IPO5: variants seen among roughly 807,000 people sequenced by gnomAD.
The protein encoded by IPO5 is importin-5.
IPO5 carries 18 observed loss-of-function variants against 143.3 expected under a neutral mutation model. The ratio of observed to expected loss-of-function variants is 0.13; its 90% CI spans 0.09 to 0.19. The LOEUF (loss-of-function observed/expected upper bound fraction) is 0.19, where lower values mean the gene tolerates loss of function less well. Ranked by LOEUF, IPO5 falls within the 10% of genes least tolerant of loss-of-function variation. The probability of loss-of-function intolerance (pLI) is 1.00; values close to 1 mark genes in which losing one functional copy is unlikely to be tolerated. For synonymous variants in IPO5, 477 were observed against 465.7 expected, an observed-to-expected ratio of 1.02 and a Z score of -0.31; for missense variants, 1,013 against 1,336.9, an observed-to-expected ratio of 0.76 and a Z score of 3.78.
chr13:97,978,249 A>G (rs564369974), intron 4 of IPO5, among the ~76,000 whole-genome samples: 44 of 152,264 alleles, frequency 2.9e-4, no homozygotes, highest in African/African-American at 1.0e-3. Flanking sequence ...TTTTTTACTT[A>G]ATGGGCTTAT....
chr13:97,969,175 A>ATATATATATATAT (rs1234384302), intron 2 of IPO5, among the ~76,000 whole-genome samples: 13 of 43,908 alleles, frequency 3.0e-4, no homozygotes, highest in South Asian at 1.1e-3. Flanking sequence ...ATATATATAT[A>ATATATATATATAT]TTTTTTTTTT....
At chr13:97,992,860 T>G (rs1555307567) in intron 9 of IPO5, 32 bp from the exon 10 acceptor site, 1 of 1,587,860 alleles carries the variant, frequency 6.3e-7, no homozygotes, top group South Asian at 1.1e-5. Context: ...AAGTGAATCT[T>G]CAGCACCGAC....
intron 11 of IPO5, 81 bp downstream of exon 11, chr13:97,993,306 C>A (rs2139707542): frequency 8.5e-7 from 1 of 1,182,238 alleles, no homozygotes; most frequent in Non-Finnish European, 1.2e-6. Flanking sequence ...TGTGATTTCT[C>A]AGATTGTTGA....
At chr13:97,954,977 C>A (rs578151436) in intron 2 of IPO5, among the ~76,000 whole-genome samples, 1 of 152,144 alleles carries the variant, frequency 6.6e-6, no homozygotes, top group East Asian at 1.9e-4. Context: ...CCTATAATCC[C>A]AGCACTTTGG....
At chr13:97,958,591 A>C (rs1884630465) in intron 2 of IPO5, among the ~76,000 whole-genome samples, 1 of 151,852 alleles carries the variant, frequency 6.6e-6, no homozygotes, top group African/African-American at 2.4e-5. Flanking sequence ...AAGGCCCTCA[A>C]ACTGTATGAT....
At chr13:97,984,183 T>G (rs913838997) in intron 5 of IPO5, among the ~76,000 whole-genome samples, 2 of 151,210 alleles carry the variant, frequency 1.3e-5, no homozygotes, top group African/African-American at 2.4e-5. Context: ...TTTCACCGTT[T>G]TAGCCGGGAT....
At chr13:97,991,827 A>G (rs766119039) in intron 9 of IPO5, among the ~76,000 whole-genome samples, 32 of 152,264 alleles carry the variant, frequency 2.1e-4, no homozygotes, top group Non-Finnish European at 3.8e-4. Context: ...TCTCCTTTTT[A>G]TAAATGTCTG....
intron 7 of IPO5, 93 bp downstream of exon 7, chr13:97,989,257 A>G (rs895404548): frequency 1.6e-6 from 1 of 638,438 alleles, no homozygotes. Context: ...TTAACCTTAT[A>G]CTTAAAATGA....
At chr13:97,988,834 CAG>C (rs1227509548) in intron 6 of IPO5, among the ~76,000 whole-genome samples, 1 of 151,230 alleles carries the variant, frequency 6.6e-6, no homozygotes, top group Non-Finnish European at 1.5e-5. Context: ...AACCCAAATA[CAG>C]AGTTGTTTGG....
intron 25 of IPO5, 87 bp from the exon 26 acceptor site, chr13:98,018,398 A>G (rs1890260716): frequency 9.3e-6 from 9 of 972,204 alleles, no homozygotes; most frequent in East Asian, 2.4e-5. Context: ...AGGAATATCA[A>G]TGTAAGCAGA....
chr13:98,004,982 G>A (rs529200418), intron 16 of IPO5, among the ~76,000 whole-genome samples: 46 of 152,098 alleles, frequency 3.0e-4, no homozygotes, highest in East Asian at 1.2e-3. Flanking sequence ...CGCAACCGCC[G>A]TCTCCCGGGT....
chr13:98,006,826 C>A (rs1206277423), intron 17 of IPO5, among the ~76,000 whole-genome samples: 3 of 147,822 alleles, frequency 2.0e-5, no homozygotes, highest in Non-Finnish European at 4.5e-5. Context: ...TATACAAATT[C>A]TTGCCTTCAT....
intron 2 of IPO5, among the ~76,000 whole-genome samples, chr13:97,955,485 G>T (rs1486239446): frequency 6.6e-6 from 1 of 152,076 alleles, no homozygotes; most frequent in Non-Finnish European, 1.5e-5. Flanking sequence ...AAAATGAGCG[G>T]GGAAAACACT....
chr13:98,016,810 C>G lies in IPO5; in HGVS notation c.2575C>G (p.Pro859Ala). 6.3e-7 allele frequency: 1 copy of G among 1,579,128 alleles called. No individual in the cohort carries two copies. Among genetic ancestry groups the G allele is most frequent in the Non-Finnish European group, 8.6e-7 (1 of 1,165,602 alleles). Residue 859 changes from proline to alanine, a missense_variant, in exon 25 of 29, where the codon CCA becomes GCA. Pro to Ala is a conservative substitution (Grantham distance 27). This residue lies in a region of IPO5 where 685 missense variants were observed against 994.9 expected (regional missense o/e 0.69). Coordinates refer to ENST00000651721, the MANE Select transcript of IPO5 (RefSeq NM_002271.6). ...CAGTAGCTACAAAGAAAAGGTGTTACCATGGTTTGAACAGCTGCTTCCATT... is the reference window on the plus strand; with the variant it reads ...CAGTAGCTACAAAGAAAAGGTGTTAGCATGGTTTGAACAGCTGCTTCCATT... ...IFSSYKEKVL[P>A]WFEQLLPLIV... is the part of the protein sequence containing the mutation.
intron 3 of IPO5, among the ~76,000 whole-genome samples, chr13:97,973,817 C>A (rs367612870): frequency 6.6e-6 from 1 of 152,282 alleles, no homozygotes; most frequent in East Asian, 1.9e-4. Context: ...GGCCTGTAAT[C>A]CTAGCACTTT....
intron 12 of IPO5, among the ~76,000 whole-genome samples, chr13:97,998,800 C>T (rs1888514432): frequency 6.6e-6 from 1 of 152,080 alleles, no homozygotes; most frequent in Non-Finnish European, 1.5e-5. Context: ...GGTTAATTAC[C>T]ATTGTTTTCA....
chr13:97,964,333 C>T (rs1484814066), intron 2 of IPO5, among the ~76,000 whole-genome samples: 1 of 151,466 alleles, frequency 6.6e-6, no homozygotes, highest in Non-Finnish European at 1.5e-5. Context: ...TTAAGTTTTA[C>T]ATTTAAGTCT....
chr13:97,977,376 C>T (rs1304146114), intron 4 of IPO5, among the ~76,000 whole-genome samples: 5 of 152,280 alleles, frequency 3.3e-5, no homozygotes. Context: ...ATTTCCCTAC[C>T]CCCTCCCACC....
chr13:97,998,999 C>T (rs866148236), intron 12 of IPO5, among the ~76,000 whole-genome samples: 3 of 151,986 alleles, frequency 2.0e-5, no homozygotes, highest in Admixed American at 1.3e-4. Flanking sequence ...AAAAATTAGC[C>T]GGGCCTGGTG....
Sources: allele counts gnomAD v4.1 joint callset (sites outside exome capture counted in the v4.1 genomes callset), GRCh38; gene constraint gnomAD v4.1.1; regional missense constraint gnomAD v4.1.1; transcripts MANE v1.5; gene names NCBI Gene and HGNC (gene_info 2026-07-23, HGNC 2026-07-21).